The following NTNG1 variants were observed in gnomAD, a reference collection of about 807,000 sequenced individuals.
The protein encoded by NTNG1 is netrin-G1.
A neutral mutation model predicts 54.0 loss-of-function variants in NTNG1; 16 were observed. The ratio of observed to expected loss-of-function variants is 0.30; its 90% CI spans 0.20 to 0.45. The LOEUF (loss-of-function observed/expected upper bound fraction) is 0.45, where lower values mean the gene tolerates loss of function less well. NTNG1 is among the 20% of genes least tolerant of loss of function. NTNG1 has a pLI of 1.00. For missense variants in NTNG1, 530 were observed against 678.7 expected, an observed-to-expected ratio of 0.78 and a Z score of 2.43; for synonymous variants, 255 against 263.1, an observed-to-expected ratio of 0.97 and a Z score of 0.30.
Position 107,324,674 on chromosome 1 carries a change from G to GTA in NTNG1, c.642_643dup (p.Thr215IlefsTer7). 1 of 1,613,604 alleles carries GTA rather than the reference G, an allele frequency of 6.2e-7. No individual in the cohort carries two copies. Among genetic ancestry groups the GTA allele is most frequent in the Non-Finnish European group, 8.5e-7 (1 of 1,179,782 alleles). ...TTTGCACAGAAGAGTACTCAACAGG[G>GTA]TATACAACAAATAGCAAAATAATCC... On this transcript the variant is annotated frameshift_variant, in exon 3 of 8. Transcript: ENST00000370068. LOFTEE classifies it high-confidence loss of function.
chr1:107,285,783 ATC>A (rs1665155649), intron 2 of NTNG1, among the ~76,000 whole-genome samples: 1 of 152,088 alleles, frequency 6.6e-6, no homozygotes, highest in African/African-American at 2.4e-5. Flanking sequence ...CAGGTGTAGA[ATC>A]AATAGCCCAC....
chr1:107,372,633 G>T (rs1230009250), intron 3 of NTNG1, among the ~76,000 whole-genome samples: 7 of 152,028 alleles, frequency 4.6e-5, no homozygotes, highest in Non-Finnish European at 1.0e-4. Context: ...TTTTGGGGTG[G>T]AATGTTTTAA....
chr1:107,201,547 T>C (rs4915026), intron 2 of NTNG1, among the ~76,000 whole-genome samples: 148,602 of 151,876 alleles, frequency 0.98, 72,781 homozygotes, highest in East Asian at 1. Flanking sequence ...CTCTTGTGCC[T>C]TTTTTATTTC....
At chr1:107,392,871 A>T (rs1242277087) in intron 3 of NTNG1, among the ~76,000 whole-genome samples, 2 of 152,154 alleles carry the variant, frequency 1.3e-5, no homozygotes, top group African/African-American at 4.8e-5. Flanking sequence ...CATTTAAGGA[A>T]ATCAGAAGAG....
At chr1:107,352,722 C>T (rs890456597) in intron 3 of NTNG1, among the ~76,000 whole-genome samples, 59 of 152,306 alleles carry the variant, frequency 3.9e-4, no homozygotes, top group African/African-American at 1.3e-3. Flanking sequence ...AGCTTAAAGG[C>T]GGGCAGCTCA....
intron 2 of NTNG1, among the ~76,000 whole-genome samples, chr1:107,267,890 A>G (rs1394154276): frequency 2.6e-5 from 4 of 152,200 alleles, no homozygotes; most frequent in Non-Finnish European, 1.5e-5. Context: ...ATAAGAGCCC[A>G]CTTTCCACAA....
intron 2 of NTNG1, among the ~76,000 whole-genome samples, chr1:107,217,333 CTTCTT>C (rs1432139345): frequency 2.6e-5 from 4 of 152,078 alleles, no homozygotes; most frequent in Admixed American, 6.6e-5. Flanking sequence ...AATCTTCTCT[CTTCTT>C]TTCTTGGTTA....
Position 107,145,207 on chromosome 1 carries a change from G to A in NTNG1, c.-525-2862G>A, listed in dbSNP as rs567823392. 1.4e-4 allele frequency among the ~76,000 whole-genome samples: 21 copies of A among 152,156 alleles called. 1 individual carries two copies. In the South Asian group the frequency reaches 4.2e-3, roughly 30 times the overall value. Reference sequence around the variant, plus strand: ...GATAGACACAGTGCCATTAAATAGTGGAGGTTAAGTTGTAAATAATATTCT... The same window carrying A: ...GATAGACACAGTGCCATTAAATAGTAGAGGTTAAGTTGTAAATAATATTCT... On this transcript the variant is annotated intron_variant, in intron 1 of 7. Coordinates refer to ENST00000370068, the MANE Select transcript of NTNG1 (RefSeq NM_001113226.3).
intron 3 of NTNG1, among the ~76,000 whole-genome samples, chr1:107,383,116 T>C (rs529231261): frequency 2.1e-4 from 32 of 152,348 alleles, no homozygotes; most frequent in Non-Finnish European, 3.7e-4. Context: ...CTCAGCCTGA[T>C]CCATTTCTAA....
intron 2 of NTNG1, among the ~76,000 whole-genome samples, chr1:107,318,028 A>G (rs761973409): frequency 5.9e-5 from 9 of 152,202 alleles, no homozygotes; most frequent in Non-Finnish European, 1.0e-4. Flanking sequence ...CAGACTATCT[A>G]ATGTTGGGAC....
chr1:107,204,572 C>A (rs1396903510), intron 2 of NTNG1, among the ~76,000 whole-genome samples: 5 of 151,988 alleles, frequency 3.3e-5, no homozygotes, highest in Non-Finnish European at 7.4e-5. Flanking sequence ...TCATATCACC[C>A]CAGCCACCAT....
intron 2 of NTNG1, among the ~76,000 whole-genome samples, chr1:107,314,439 AT>A (rs1557891941): frequency 0.011 from 754 of 70,246 alleles, 8 homozygotes; most frequent in African/African-American, 0.037. Flanking sequence ...AAATAAATAA[AT>A]AAATAAAAAT....
At chr1:107,227,868 T>G (rs565158324) in intron 2 of NTNG1, among the ~76,000 whole-genome samples, 1 of 152,314 alleles carries the variant, frequency 6.6e-6, no homozygotes, top group East Asian at 1.9e-4. Context: ...AACGTCATTG[T>G]GAAATGATGT....
At chr1:107,162,443 T>A (rs929321006) in intron 2 of NTNG1, among the ~76,000 whole-genome samples, 1 of 152,184 alleles carries the variant, frequency 6.6e-6, no homozygotes, top group Admixed American at 6.5e-5. Flanking sequence ...GTAACCACAA[T>A]TAACTTAGAA....
At chr1:107,310,304 A>G (rs1666930228) in intron 2 of NTNG1, among the ~76,000 whole-genome samples, 1 of 152,072 alleles carries the variant, frequency 6.6e-6, no homozygotes, top group African/African-American at 2.4e-5. Flanking sequence ...TCTATAATAC[A>G]TTTTCTTAGT....
At chr1:107,274,228 G>T (rs1664328795) in intron 2 of NTNG1, among the ~76,000 whole-genome samples, 1 of 152,068 alleles carries the variant, frequency 6.6e-6, no homozygotes, top group African/African-American at 2.4e-5. Context: ...CCCATTCTGG[G>T]AAAAAAAGTA....
intron 2 of NTNG1, among the ~76,000 whole-genome samples, chr1:107,299,112 A>C (rs914343870): frequency 2.6e-5 from 4 of 152,196 alleles, no homozygotes; most frequent in Non-Finnish European, 5.9e-5. Context: ...GGGAGAAAGC[A>C]AAAGGAGATA....
chr1:107,430,405 C>T (rs1421494679), intron 5 of NTNG1, among the ~76,000 whole-genome samples: 3 of 152,080 alleles, frequency 2.0e-5, no homozygotes, highest in Non-Finnish European at 4.4e-5. Flanking sequence ...CACTAAAATT[C>T]TCCATCTGCA....
intron 7 of NTNG1, among the ~76,000 whole-genome samples, chr1:107,440,569 T>G (rs1675903068): frequency 6.6e-6 from 1 of 152,202 alleles, no homozygotes; most frequent in Admixed American, 6.5e-5. Context: ...TTATTATTAC[T>G]ACTTCCAAGC....
Sources: gnomAD v4.1 joint callset for allele counts (sites outside exome capture counted in the v4.1 genomes callset) on GRCh38, gnomAD v4.1.1 for gene constraint, MANE v1.5 for transcripts, NCBI Gene and HGNC (gene_info 2026-07-23, HGNC 2026-07-21) for gene names.